The following SYK variants were observed in gnomAD, a reference collection of about 807,000 sequenced individuals.
SYK encodes the protein spleen associated tyrosine kinase, also known as tyrosine-protein kinase SYK.
In SYK, 16 loss-of-function variants were observed where a neutral mutation model predicts 77.8. The observed-to-expected ratio is 0.21, with a 90% CI of 0.14 to 0.31. The LOEUF (loss-of-function observed/expected upper bound fraction) is 0.31, where lower values mean the gene tolerates loss of function less well. Among genes scored for constraint, SYK ranks in the 10% least tolerant of loss-of-function variants. The probability of loss-of-function intolerance (pLI) is 1.00; values close to 1 mark genes in which losing one functional copy is unlikely to be tolerated. For missense variants in SYK, 529 were observed against 814.4 expected, an observed-to-expected ratio of 0.65 and a Z score of 4.26; for synonymous variants, 312 against 308.7, an observed-to-expected ratio of 1.01 and a Z score of -0.11.
At chr9:90,889,040 G>A (rs1026533768) in intron 13 of SYK, among the ~76,000 whole-genome samples, 11 of 152,270 alleles carry the variant, frequency 7.2e-5, no homozygotes, top group African/African-American at 2.2e-4. Context: ...GGGTGACCTC[G>A]GACTCTGGCC....
intron 1 of SYK, among the ~76,000 whole-genome samples, chr9:90,813,873 TA>T (rs1459522335): frequency 1.3e-5 from 2 of 152,146 alleles, no homozygotes; most frequent in Non-Finnish European, 2.9e-5. Context: ...AAGCAACACA[TA>T]GGGGGTGCGT....
At chr9:90,893,995 T>C (rs1276989590) in intron 13 of SYK, among the ~76,000 whole-genome samples, 1 of 152,194 alleles carries the variant, frequency 6.6e-6, no homozygotes, top group Non-Finnish European at 1.5e-5. Flanking sequence ...GCATCTCCCA[T>C]GGATGTACAG....
chr9:90,867,923 T>C (rs2118832000), intron 7 of SYK, among the ~76,000 whole-genome samples: 1 of 152,332 alleles, frequency 6.6e-6, no homozygotes, highest in East Asian at 1.9e-4. Flanking sequence ...TTTTTTCCAT[T>C]CTACTTTTAT....
intron 1 of SYK, among the ~76,000 whole-genome samples, chr9:90,841,386 G>A (rs879338012): frequency 1.5e-5 from 1 of 66,800 alleles, no homozygotes; most frequent in Non-Finnish European, 3.5e-5. Context: ...CAGTGTGTGT[G>A]TAGTTTGTGT....
At chr9:90,887,944 C>G (rs534899156) in intron 12 of SYK, 55 bp downstream of exon 12, 2 of 1,478,738 alleles carry the variant, frequency 1.4e-6, no homozygotes, top group African/African-American at 2.9e-5. Flanking sequence ...CAGATAAGCA[C>G]CAGATTGTCT....
At position 90,874,841 on chromosome 9, in the gene SYK, A is replaced by G. The variant is rs1587898428; in HGVS notation, c.1173A>G (p.Gln391=). The G allele has an allele frequency of 1.2e-6, 2 of 1,613,996 alleles. No homozygotes were observed. Among genetic ancestry groups the G allele is most frequent in the East Asian group, 2.2e-5 (1 of 44,888 alleles). ...NFGTVKKGYY[Q]MKKVVKTVAV... is the part of the protein sequence containing the mutation. ...GAACTGTGAAAAAGGGCTACTACCAAATGAAAAAGTAAGTTGCTATGTTCC... is the reference window on the plus strand; with the variant it reads ...GAACTGTGAAAAAGGGCTACTACCAGATGAAAAAGTAAGTTGCTATGTTCC... The change falls in exon 9 of 14, where the codon CAA becomes CAG. Residue 391 remains glutamine, a synonymous_variant. Coordinates refer to ENST00000375754, the MANE Select transcript of SYK (RefSeq NM_003177.7).
At chr9:90,817,882 T>TGTGTGTGTGTGTGTGTGTGA (rs1302553724) in intron 1 of SYK, among the ~76,000 whole-genome samples, 5 of 66,866 alleles carry the variant, frequency 7.5e-5, no homozygotes, top group East Asian at 5.1e-4. Flanking sequence ...TGTGTGTGTG[T>TGTGTGTGTGTGTGTGTGTGA]GAGAGAGAGA....
chr9:90,870,149 A>G (rs886725960), intron 7 of SYK, among the ~76,000 whole-genome samples: 2 of 152,242 alleles, frequency 1.3e-5, no homozygotes, highest in African/African-American at 2.4e-5. Flanking sequence ...ACATACTTAT[A>G]AAGTATAAAC....
At position 90,897,524 on chromosome 9, in the gene SYK, C is replaced by G. The variant is rs933957737; in HGVS notation, c.*1924C>G. 8.6e-6 allele frequency: 2 copies of G among 231,922 alleles called. No homozygotes were observed. The highest frequency in any genetic ancestry group is 4.4e-5 in the African/African-American group (2 of 45,282). The allele number at this position is 231,922 out of a possible 1,614,324, so 14.4% of individuals were successfully genotyped here. A position where few individuals can be genotyped will look rare whatever the true frequency, so the allele number is the denominator to read the frequency against. ...GGCTGTGAGGCTGAACTCTTGGTGG[C>G]TTCCTTCTGTAACTTCCAGAGGGAG... On this transcript the variant is annotated 3_prime_UTR_variant, in exon 14 of 14. Transcript: ENST00000375754.
chr9:90,863,271 C>A (rs1572105), intron 4 of SYK, among the ~76,000 whole-genome samples: 1,707 of 152,192 alleles, frequency 0.011, 10 homozygotes, highest in Non-Finnish European at 0.017. Context: ...CTGCCACCAC[C>A]CCACCGCCCC....
chr9:90,888,467 T>C (rs774192660), intron 12 of SYK, 48 bp from the exon 13 acceptor site: 37 of 1,433,060 alleles, frequency 2.6e-5, no homozygotes, highest in Non-Finnish European at 3.4e-5. Flanking sequence ...TTTGTTTGAC[T>C]AACACCTTTA....
At position 90,814,837 on chromosome 9, in the gene SYK, C is replaced by T. The variant is rs186405275; in HGVS notation, c.-42+12944C>T. Among the ~76,000 whole-genome samples the T allele has an allele frequency of 3.3e-3, 148 of 45,532 alleles. 1 individual carries two copies. In the East Asian group the frequency reaches 0.4, roughly 122 times the overall value. The allele number at this position is 45,532 out of a possible 152,430, so 29.9% of individuals were successfully genotyped here. On this transcript the variant is annotated intron_variant, in intron 1 of 13. Transcript: ENST00000375754. ...TCCTGCACAACACAACACACGTGCA[C>T]ACACACACACACACACACACACACA...
At chr9:90,876,264 G>A (rs1227379338) in intron 9 of SYK, among the ~76,000 whole-genome samples, 1 of 146,906 alleles carries the variant, frequency 6.8e-6, no homozygotes, top group African/African-American at 2.5e-5. Flanking sequence ...TCCAGCCTGG[G>A]CAACAAGAGT....
chr9:90,842,448 T>C (rs1345580071), intron 1 of SYK, among the ~76,000 whole-genome samples: 1 of 151,422 alleles, frequency 6.6e-6, no homozygotes, highest in African/African-American at 2.4e-5. Flanking sequence ...ATTTGGTGTG[T>C]GCGGTGTGTT....
intron 6 of SYK, 65 bp from the exon 7 acceptor site, chr9:90,867,066 T>G: frequency 6.3e-7 from 1 of 1,586,824 alleles, no homozygotes; most frequent in East Asian, 2.2e-5. Flanking sequence ...TAGCATGTCG[T>G]GGAAGGGATC....
intron 13 of SYK, among the ~76,000 whole-genome samples, chr9:90,891,473 C>T (rs1828790276): frequency 6.6e-6 from 1 of 152,118 alleles, no homozygotes; most frequent in Admixed American, 6.5e-5. Flanking sequence ...TGTTGAATAT[C>T]CCTGGCTCCA....
intron 3 of SYK, among the ~76,000 whole-genome samples, chr9:90,859,954 A>G (rs1268628439): frequency 6.6e-6 from 1 of 152,194 alleles, no homozygotes; most frequent in Admixed American, 6.5e-5. Flanking sequence ...TTGGACATGG[A>G]TTCAGAAACC....
At chr9:90,866,061 G>A (rs1458389683) in intron 6 of SYK, among the ~76,000 whole-genome samples, 4 of 152,040 alleles carry the variant, frequency 2.6e-5, no homozygotes, top group Non-Finnish European at 4.4e-5. Flanking sequence ...ACAACACCCG[G>A]CTAATTTTTT....
chr9:90,884,512 C>T (rs62646603), intron 11 of SYK, among the ~76,000 whole-genome samples: 107 of 9,272 alleles, frequency 0.012, 46 homozygotes, highest in African/African-American at 0.079. Flanking sequence ...CATGTACATA[C>T]ATACACATAC....
Sources: gnomAD v4.1 joint callset for allele counts (sites outside exome capture counted in the v4.1 genomes callset) on GRCh38, gnomAD v4.1.1 for gene constraint, MANE v1.5 for transcripts, NCBI Gene and HGNC (gene_info 2026-07-23, HGNC 2026-07-21) for gene names.